The following RBMS3 variants were observed in gnomAD, a reference collection of about 807,000 sequenced individuals.
RBMS3 encodes RNA binding motif single stranded interacting protein 3.
In RBMS3, 27 loss-of-function variants were observed where a neutral mutation model predicts 66.8. That is an observed-to-expected ratio of 0.40 (90% CI 0.30 to 0.56). RBMS3 has a LOEUF of 0.56. Ranked by LOEUF, RBMS3 falls within the 20% of genes least tolerant of loss-of-function variation. The probability of loss-of-function intolerance (pLI) is 0.40; values close to 1 mark genes in which losing one functional copy is unlikely to be tolerated. For missense variants in RBMS3, 513 were observed against 549.5 expected (o/e 0.93, Z 0.66); for synonymous variants, 188 against 183.0 (o/e 1.03, Z -0.22).
chr3:29,309,494 G>A (rs1016838734), intron 1 of RBMS3, among the ~76,000 whole-genome samples: 1 of 151,622 alleles, frequency 6.6e-6, no homozygotes, highest in Non-Finnish European at 1.5e-5. Context: ...GCACTATGAT[G>A]TATTTTGTCA....
At chr3:29,661,703 G>A (rs2371699) in intron 4 of RBMS3, among the ~76,000 whole-genome samples, 5,419 of 152,076 alleles carry the variant, frequency 0.036, 214 homozygotes, top group African/African-American at 0.091. Flanking sequence ...TTCAAAGTAC[G>A]CTTATCTTTA....
intron 4 of RBMS3, among the ~76,000 whole-genome samples, chr3:29,703,781 C>T (rs909034487): frequency 6.6e-6 from 1 of 152,144 alleles, no homozygotes; most frequent in Non-Finnish European, 1.5e-5. Flanking sequence ...ATCCCCAACC[C>T]TACAGGTTGT....
chr3:29,283,042 C>T (rs533848637), intron 1 of RBMS3, among the ~76,000 whole-genome samples: 75 of 152,074 alleles, frequency 4.9e-4, no homozygotes, highest in Non-Finnish European at 8.7e-4. Context: ...ATAGACTAGC[C>T]CTCCTGCTCG....
intron 1 of RBMS3, among the ~76,000 whole-genome samples, chr3:29,328,562 C>G (rs537070196): frequency 6.6e-6 from 1 of 152,130 alleles, no homozygotes; most frequent in Non-Finnish European, 1.5e-5. Flanking sequence ...CCTCTTTTCC[C>G]TCAACCTCCA....
At chr3:29,904,096 T>C (rs2060318966) in intron 10 of RBMS3, among the ~76,000 whole-genome samples, 1 of 151,986 alleles carries the variant, frequency 6.6e-6, no homozygotes, top group Non-Finnish European at 1.5e-5. Flanking sequence ...CCCTAATTAC[T>C]GTAGAAAATA....
At chr3:29,563,861 C>CA (rs1032319150) in intron 3 of RBMS3, among the ~76,000 whole-genome samples, 4 of 151,686 alleles carry the variant, frequency 2.6e-5, no homozygotes, top group Admixed American at 6.6e-5. Flanking sequence ...TCTGTCTCTA[C>CA]AAAAAATTAG....
At chr3:29,971,027 T>A (rs188533392) in intron 12 of RBMS3, among the ~76,000 whole-genome samples, 55 of 152,292 alleles carry the variant, frequency 3.6e-4, no homozygotes, top group African/African-American at 1.3e-3. Context: ...AAACACAAGA[T>A]GCTCCCATTC....
At chr3:29,551,973 T>G in intron 3 of RBMS3, among the ~76,000 whole-genome samples, 1 of 150,890 alleles carries the variant, frequency 6.6e-6, no homozygotes, top group Non-Finnish European at 1.5e-5. Flanking sequence ...ATTTGCAGTC[T>G]TCACAAATAA....
chr3:29,638,506 A>T (rs1173965505), intron 4 of RBMS3, among the ~76,000 whole-genome samples: 1 of 151,890 alleles, frequency 6.6e-6, no homozygotes, highest in Non-Finnish European at 1.5e-5. Flanking sequence ...CACAGCTGAA[A>T]AATTACTTGA....
intron 6 of RBMS3, among the ~76,000 whole-genome samples, chr3:29,824,806 CTTTA>C (rs2058164475): frequency 6.6e-6 from 1 of 152,096 alleles, no homozygotes; most frequent in Non-Finnish European, 1.5e-5. Flanking sequence ...AAAGGTAATG[CTTTA>C]TTTGTTTTCA....
intron 3 of RBMS3, among the ~76,000 whole-genome samples, chr3:29,525,393 T>A (rs1381790898): frequency 4.6e-5 from 7 of 152,202 alleles, no homozygotes; most frequent in South Asian, 2.1e-4. Flanking sequence ...CAGAGAGGCA[T>A]TCCTAAACTT....
chr3:29,768,006 C>G (rs1169043104), intron 6 of RBMS3, among the ~76,000 whole-genome samples: 1 of 151,900 alleles, frequency 6.6e-6, no homozygotes, highest in Middle Eastern at 3.2e-3. Flanking sequence ...TCAGGTGGCG[C>G]ATTGCTTCTC....
intron 9 of RBMS3, 69 bp from the exon 10 acceptor site, chr3:29,899,636 T>A: frequency 7.1e-7 from 1 of 1,417,928 alleles, no homozygotes; most frequent in Non-Finnish European, 9.8e-7. Flanking sequence ...CTAGTGTGAC[T>A]CCACTGAACA....
chr3:29,381,374 T>C lies in RBMS3; in HGVS notation c.76-53369T>C, dbSNP rs113513444. Among the ~76,000 whole-genome samples the C allele has an allele frequency of 2.8e-3, 422 of 152,310 alleles. 5 individuals carry two copies. The highest frequency in any genetic ancestry group is 9.7e-3 in the African/African-American group (405 of 41,576). On this transcript the variant is annotated intron_variant, in intron 1 of 14. Transcript: ENST00000383767. Reference sequence around the variant, plus strand: ...TAGTGTTAAATGGACCAATGGTATGTGCTACCTTTTTTCTCTACTAAGGTA... The same window carrying C: ...TAGTGTTAAATGGACCAATGGTATGCGCTACCTTTTTTCTCTACTAAGGTA...
chr3:29,326,294 C>T (rs1389951517), intron 1 of RBMS3, among the ~76,000 whole-genome samples: 9 of 152,158 alleles, frequency 5.9e-5, no homozygotes, highest in African/African-American at 1.9e-4. Context: ...TTTCCATAAA[C>T]TCTCTAAACC....
intron 4 of RBMS3, among the ~76,000 whole-genome samples, chr3:29,596,774 A>C (rs1444587133): frequency 6.6e-6 from 1 of 152,212 alleles, no homozygotes; most frequent in Non-Finnish European, 1.5e-5. Context: ...GAACTGCAGA[A>C]TCTATTAGAG....
At chr3:29,675,255 C>T (rs1028997520) in intron 4 of RBMS3, among the ~76,000 whole-genome samples, 5 of 152,166 alleles carry the variant, frequency 3.3e-5, no homozygotes, top group African/African-American at 9.6e-5. Flanking sequence ...CCCTTCCTTA[C>T]ACCTTATACA....
At chr3:29,293,060 C>A (rs1422311669) in intron 1 of RBMS3, among the ~76,000 whole-genome samples, 1 of 151,740 alleles carries the variant, frequency 6.6e-6, no homozygotes, top group Non-Finnish European at 1.5e-5. Context: ...TAATAGCCAG[C>A]ATTTGCTTTT....
At chr3:29,594,793 A>C (rs1173472286) in intron 4 of RBMS3, among the ~76,000 whole-genome samples, 3 of 152,184 alleles carry the variant, frequency 2.0e-5, no homozygotes, top group Non-Finnish European at 4.4e-5. Flanking sequence ...GGTTGATCTT[A>C]ATCCTATTCA....
Sources: gnomAD v4.1 joint callset for allele counts (sites outside exome capture counted in the v4.1 genomes callset) on GRCh38, gnomAD v4.1.1 for gene constraint, MANE v1.5 for transcripts, NCBI Gene and HGNC (gene_info 2026-07-23, HGNC 2026-07-21) for gene names.